Variants in FANCA observed in about 807,000 individuals in gnomAD.
FANCA encodes the protein Fanconi anemia group A protein.
FANCA carries 236 observed loss-of-function variants against 194.3 expected under a neutral mutation model. The ratio of observed to expected loss-of-function variants is 1.21; its 90% confidence interval spans 1.09 to 1.35. The LOEUF is 1.35. FANCA is among the 40% of genes most tolerant of loss of function. FANCA has a pLI of 0.00. For missense variants in FANCA, 2,628 were observed against 1,813.9 expected (o/e 1.45, Z -8.15); for synonymous variants, 1,014 against 715.8 (o/e 1.42, Z -6.65).
At position 89,738,521 on chromosome 16, in the gene FANCA, T is replaced by C. The variant is rs2062025238; in HGVS notation, c.*80A>G. ...TCGAGGAGATTTGTAATCCACTTTT[T>C]AGTGCAACAAGAGCTCCATGTTATG... On this transcript the variant is annotated 3_prime_UTR_variant, in exon 43 of 43. Coordinates refer to ENST00000389301, the MANE Select transcript of FANCA (RefSeq NM_000135.4). 1.9e-6 allele frequency: 3 copies of C among 1,597,662 alleles called. No homozygotes were observed. The highest frequency in any genetic ancestry group is 1.7e-5 in the Admixed American group (1 of 59,900).
At chr16:89,775,865 T>C in intron 20 of FANCA, 50 bp from the exon 21 acceptor site, 1 of 1,219,916 alleles carries the variant, frequency 8.2e-7, no homozygotes, top group Non-Finnish European at 1.2e-6. Context: ...CTTAAATTAA[T>C]TCAAGATTAC....
At position 89,808,582 on chromosome 16, in the gene FANCA, C is replaced by T. The variant is rs142301122; in HGVS notation, c.523-215G>A. On this transcript the variant is annotated intron_variant, in intron 5 of 42. Transcript: ENST00000389301. ...ACTCCCTGGCCTTTGGGCACCCACA[C>T]ACCGTTGCCCAACACTTGCTTCTCT... is the stretch of plus-strand genomic sequence containing the variant. 3.0e-3 allele frequency among the ~76,000 whole-genome samples: 463 copies of T among 152,322 alleles called. 5 individuals are homozygous for T. The highest frequency in any genetic ancestry group is 0.011 in the African/African-American group (440 of 41,570).
At chr16:89,742,592 G>A (rs958710603) in intron 37 of FANCA, among the ~76,000 whole-genome samples, 4 of 149,982 alleles carry the variant, frequency 2.7e-5, no homozygotes, top group African/African-American at 7.4e-5. Context: ...GGAGGATCAC[G>A]GGGTCAGGAG....
chr16:89,739,566 G>C lies in FANCA; in HGVS notation c.3935-13C>G. 4 of 1,551,028 alleles carry C rather than the reference G, an allele frequency of 2.6e-6. No individual in the cohort carries two copies. The highest frequency in any genetic ancestry group is 1.2e-5 in the South Asian group (1 of 84,064). On this transcript the variant is annotated splice_polypyrimidine_tract_variant and intron_variant, in intron 39 of 42. Transcript: ENST00000389301. ...CCCAGCCTGAGGTCTGCAACACCAA[G>C]AAGTGGCTCAGGCAACTCTGGACAT...
chr16:89,749,716 GT>G lies in FANCA; in HGVS notation c.3239+13del. On this transcript the variant is annotated intron_variant, in intron 32 of 42. Coordinates refer to ENST00000389301, the MANE Select transcript of FANCA (RefSeq NM_000135.4). ...CAGGTGGTGCTGCCCTGCCCAGGTG[GT>G]AGTAGGTGTTACCGTTTGTACATTA... 6.2e-7 allele frequency: 1 copy of G among 1,611,944 alleles called. No homozygotes were observed. The highest frequency in any genetic ancestry group is 8.5e-7 in the Non-Finnish European group (1 of 1,178,944).
intron 29 of FANCA, among the ~76,000 whole-genome samples, chr16:89,760,090 AAAAG>A (rs2038901981): frequency 6.6e-6 from 1 of 152,244 alleles, no homozygotes. Context: ...AGTAATTCAG[AAAAG>A]AAAGAAAATC....
At chr16:89,750,955 C>T (rs1220666570) in intron 31 of FANCA, among the ~76,000 whole-genome samples, 1 of 152,188 alleles carries the variant, frequency 6.6e-6, no homozygotes, top group South Asian at 2.1e-4. Flanking sequence ...TGCGGCAGTG[C>T]AGTCTTGGCT....
chr16:89,796,554 G>C (rs1004191123), intron 10 of FANCA, among the ~76,000 whole-genome samples: 2 of 152,160 alleles, frequency 1.3e-5, no homozygotes, highest in African/African-American at 2.4e-5. Flanking sequence ...GAGAGAACAC[G>C]ATGTTCTGGG....
At chr16:89,802,372 G>C (rs934303292) in intron 8 of FANCA, among the ~76,000 whole-genome samples, 2 of 151,850 alleles carry the variant, frequency 1.3e-5, no homozygotes, top group Admixed American at 6.6e-5. Flanking sequence ...CAAAGTGCTG[G>C]ATTATAGGCA....
At chr16:89,761,829 T>C in intron 29 of FANCA, 120 bp downstream of exon 29, 1 of 801,998 alleles carries the variant, frequency 1.2e-6, no homozygotes, top group East Asian at 2.4e-5. Context: ...TTTCCCCATG[T>C]TGCCCAGGCT....
chr16:89,740,395 T>C, intron 38 of FANCA: 1 of 485,418 alleles, frequency 2.1e-6, no homozygotes, highest in Non-Finnish European at 3.7e-6. Context: ...ATCCCAACAC[T>C]TTGGGAGGCC....
At chr16:89,813,370 GGCTCTCCA>G (rs2040977992) in intron 3 of FANCA, among the ~76,000 whole-genome samples, 1 of 150,934 alleles carries the variant, frequency 6.6e-6, no homozygotes, top group Non-Finnish European at 1.5e-5. Context: ...ATTGCACCAC[GGCTCTCCA>G]GTCCAGGCAA....
At position 89,748,646 on chromosome 16, in the gene FANCA, A is replaced by G; in HGVS notation, c.3348+13T>C. ...TGACAGATCGGACGGACACGTGCAC[A>G]CGGGGCACCTACCATCTCAGAGTTG... On this transcript the variant is annotated intron_variant, in intron 33 of 42. Coordinates refer to ENST00000389301, the MANE Select transcript of FANCA (RefSeq NM_000135.4). 2 of 1,604,938 alleles carry G rather than the reference A, an allele frequency of 1.2e-6. No individual in the cohort carries two copies. The highest frequency in any genetic ancestry group is 1.7e-6 in the Non-Finnish European group (2 of 1,171,842).
chr16:89,756,293 T>C (rs1349554522), intron 30 of FANCA, among the ~76,000 whole-genome samples: 1 of 152,068 alleles, frequency 6.6e-6, no homozygotes, highest in Non-Finnish European at 1.5e-5. Context: ...GAAGTGCAAA[T>C]CGAAACCACT....
chr16:89,771,202 T>C (rs2039314035), intron 23 of FANCA, among the ~76,000 whole-genome samples: 1 of 145,582 alleles, frequency 6.9e-6, no homozygotes, highest in African/African-American at 2.6e-5. Flanking sequence ...CTTATGCCTA[T>C]AATCCCAACA....
rs2062081976 is a variant in FANCA at position 89,739,831 on chromosome 16, CT to C, written c.3934+162del. On this transcript the variant is annotated intron_variant, in intron 39 of 42. Transcript: ENST00000389301. ...GTTGACCAGTGAGCCAGTAAATTAT[CT>C]TATTGCTTTAAACAAGTTTGTGCTT... The C allele has an allele frequency of 1.8e-5, 27 of 1,483,228 alleles. No homozygotes were observed. The South Asian group carries it at 3.4e-4, about 19-fold the overall frequency. The allele number at this position is 1,483,228 out of a possible 1,614,324, so 91.9% of individuals were successfully genotyped here. A position where few individuals can be genotyped will look rare whatever the true frequency, so the allele number is the denominator to read the frequency against.
chr16:89,811,704 A>G (rs970057175), intron 3 of FANCA, among the ~76,000 whole-genome samples: 4 of 149,736 alleles, frequency 2.7e-5, no homozygotes, highest in African/African-American at 9.9e-5. Flanking sequence ...TCATTTTCTA[A>G]TTTATTTGTC....
intron 14 of FANCA, among the ~76,000 whole-genome samples, chr16:89,789,859 G>C (rs947605534): frequency 2.0e-5 from 3 of 152,098 alleles, no homozygotes; most frequent in Admixed American, 2.0e-4. Flanking sequence ...CTCCCCACAT[G>C]AACTGGGGGT....
rs777174768 is a variant in FANCA, at chr16:89,814,514, AC to A, written c.283+5del. The A allele has an allele frequency of 6.3e-7, 1 of 1,593,758 alleles. No homozygotes were observed. Among genetic ancestry groups the A allele is most frequent in the South Asian group, 1.1e-5 (1 of 90,692 alleles). Reference sequence around the variant, plus strand: ...TCAAAATAGAGAAAATGAAGCTATAACTTACCTATAAATGAACTAGAATGAT... The same window carrying A: ...TCAAAATAGAGAAAATGAAGCTATAATTACCTATAAATGAACTAGAATGAT... On this transcript the variant is annotated splice_donor_5th_base_variant and intron_variant, in intron 3 of 42. Coordinates refer to ENST00000389301, the MANE Select transcript of FANCA (RefSeq NM_000135.4).
Sources: allele counts gnomAD v4.1 joint callset (sites outside exome capture counted in the v4.1 genomes callset), GRCh38; gene constraint gnomAD v4.1.1; transcripts MANE v1.5; gene names NCBI Gene and HGNC (gene_info 2026-07-23, HGNC 2026-07-21).